CHSY1: variants seen among roughly 807,000 people sequenced by gnomAD.
CHSY1 encodes N-acetylgalactosaminyl-proteoglycan 3-beta-glucuronosyltransferase 1.
CHSY1 carries 13 observed loss-of-function variants against 59.8 expected under a neutral mutation model. The ratio of observed to expected loss-of-function variants is 0.22; its 90% CI spans 0.14 to 0.35. CHSY1 has a LOEUF of 0.35. CHSY1 is among the 10% of genes least tolerant of loss of function. CHSY1 has a pLI of 1.00. For missense variants in CHSY1, 947 were observed against 1,030.6 expected (o/e 0.92, Z 1.11); for synonymous variants, 459 against 401.2 (o/e 1.14, Z -1.72).
intron 2 of CHSY1, among the ~76,000 whole-genome samples, chr15:101,221,489 T>G (rs187595911): frequency 7.9e-5 from 12 of 152,314 alleles, no homozygotes; most frequent in African/African-American, 2.9e-4. Context: ...TCTCTCCCTC[T>G]CTCTATATAT....
At chr15:101,214,358 C>T (rs892973607) in intron 2 of CHSY1, among the ~76,000 whole-genome samples, 1 of 152,206 alleles carries the variant, frequency 6.6e-6, no homozygotes, top group African/African-American at 2.4e-5. Flanking sequence ...CATTTCACTA[C>T]AGTTTATATC....
chr15:101,251,689 G>C lies in CHSY1; in HGVS notation c.-233C>G, dbSNP rs561429266. ...CCGCCGCGGCCTGCGCCTTTAAGAG[G>C]GGACCATGCCCGGCGCGCGCTAGCG... On this transcript the variant is annotated 5_prime_UTR_variant, in exon 1 of 3. Transcript: ENST00000254190. 6.8e-6 allele frequency: 1 copy of C among 147,644 alleles called. No individual in the cohort carries two copies. Among genetic ancestry groups the C allele is most frequent in the Non-Finnish European group, 1.5e-5 (1 of 66,336 alleles). 9.1% of individuals were successfully genotyped at this position (147,644 alleles called of 1,614,324 possible). A position where few individuals can be genotyped will look rare whatever the true frequency, so the allele number is the denominator to read the frequency against.
At position 101,198,766 on chromosome 15, in the gene CHSY1, T is replaced by C. The variant is rs528025028; in HGVS notation, c.817-19786A>G. On this transcript the variant is annotated intron_variant, in intron 2 of 2. Transcript: ENST00000254190. Reference sequence around the variant, plus strand: ...ACTGGCCAAAATCCCCCATTAAAACTTCTACTGGGACACAGTTACACTCAC... The same window carrying C: ...ACTGGCCAAAATCCCCCATTAAAACCTCTACTGGGACACAGTTACACTCAC... Among the ~76,000 whole-genome samples the C allele has an allele frequency of 1.3e-4, 20 of 152,352 alleles. No individual in the cohort carries two copies. The South Asian group carries it at 1.4e-3, about 11-fold the overall frequency.
At chr15:101,231,476 C>T (rs2038892033) in intron 2 of CHSY1, among the ~76,000 whole-genome samples, 1 of 152,340 alleles carries the variant, frequency 6.6e-6, no homozygotes, top group African/African-American at 2.4e-5. Flanking sequence ...AAGCCCTTTG[C>T]ACTTCTGAAT....
intron 2 of CHSY1, among the ~76,000 whole-genome samples, chr15:101,193,561 C>T (rs1034699612): frequency 1.3e-5 from 2 of 152,230 alleles, no homozygotes; most frequent in African/African-American, 2.4e-5. Flanking sequence ...CCTCTCCAGC[C>T]GCAGTCACGC....
At chr15:101,179,534 G>C (rs1454753018) in intron 2 of CHSY1, among the ~76,000 whole-genome samples, 3 of 152,228 alleles carry the variant, frequency 2.0e-5, no homozygotes, top group Admixed American at 2.0e-4. Flanking sequence ...GATGCTGCAG[G>C]GATGAATCAA....
chr15:101,182,798 C>G (rs28403092), intron 2 of CHSY1, among the ~76,000 whole-genome samples: 3 of 152,244 alleles, frequency 2.0e-5, no homozygotes, highest in African/African-American at 7.2e-5. Context: ...TTAAAAGCCT[C>G]TGCTACACAG....
intron 2 of CHSY1, among the ~76,000 whole-genome samples, chr15:101,191,725 A>T (rs914644534): frequency 1.3e-5 from 2 of 152,136 alleles, no homozygotes; most frequent in African/African-American, 2.4e-5. Context: ...CTGTGAACCT[A>T]AAGCTCCTCC....
intron 2 of CHSY1, among the ~76,000 whole-genome samples, chr15:101,222,575 T>G (rs2038800657): frequency 6.6e-6 from 1 of 152,188 alleles, no homozygotes; most frequent in Non-Finnish European, 1.5e-5. Flanking sequence ...CACAGTACAT[T>G]TAGTAATCCC....
intron 2 of CHSY1, among the ~76,000 whole-genome samples, chr15:101,230,087 G>T (rs945788158): frequency 6.6e-6 from 1 of 151,512 alleles, no homozygotes; most frequent in African/African-American, 2.4e-5. Flanking sequence ...GACTACAGGC[G>T]CCCGCCACCA....
chr15:101,203,986 G>T (rs1046372550), intron 2 of CHSY1, among the ~76,000 whole-genome samples: 2 of 152,286 alleles, frequency 1.3e-5, no homozygotes, highest in African/African-American at 2.4e-5. Context: ...ACTAAACTCT[G>T]TAGATTACAT....
chr15:101,232,562 G>A (rs575716532), intron 2 of CHSY1, among the ~76,000 whole-genome samples: 3 of 152,172 alleles, frequency 2.0e-5, no homozygotes, highest in Non-Finnish European at 4.4e-5. Flanking sequence ...AAACATATTC[G>A]TGACCTAAGG....
Position 101,177,433 on chromosome 15 carries a change from A to C in CHSY1, c.2364T>G (p.Ser788Arg). 6.2e-7 allele frequency: 1 copy of C among 1,613,590 alleles called. No individual in the cohort carries two copies. The highest frequency in any genetic ancestry group is 8.5e-7 in the Non-Finnish European group (1 of 1,179,854). ...AEMWLEKNDP[S>R]YSKSSNNNGS... ...CATTATTATTGCTGCTTTTACTGTA[A>C]CTTGGATCATTTTTTTCCAGCCACA... The change falls in exon 3 of 3, where the codon AGT (serine) becomes AGG (arginine). Residue 788 changes from serine to arginine, a missense_variant. By Grantham distance (110) the Ser-to-Arg change is moderately radical. This residue lies in a region of CHSY1 where 602 missense variants were observed against 676.9 expected (regional missense o/e 0.89). Transcript: ENST00000254190.
intron 2 of CHSY1, among the ~76,000 whole-genome samples, chr15:101,208,636 C>T (rs1486670588): frequency 6.7e-6 from 1 of 150,356 alleles, no homozygotes; most frequent in Non-Finnish European, 1.5e-5. Flanking sequence ...TTGCTTGAAC[C>T]CAGGAGGCGG....
intron 1 of CHSY1, among the ~76,000 whole-genome samples, chr15:101,239,816 C>T (rs576150245): frequency 6.6e-6 from 1 of 151,838 alleles, no homozygotes; most frequent in Non-Finnish European, 1.5e-5. Context: ...GAGCATTTCG[C>T]GGTAGAGCAC....
At chr15:101,232,079 A>G (rs1567104921) in intron 2 of CHSY1, among the ~76,000 whole-genome samples, 1 of 152,166 alleles carries the variant, frequency 6.6e-6, no homozygotes, top group Non-Finnish European at 1.5e-5. Flanking sequence ...ATGAATCTAG[A>G]CTTTGATTTT....
chr15:101,181,040 T>C (rs1450589566), intron 2 of CHSY1, among the ~76,000 whole-genome samples: 1 of 152,230 alleles, frequency 6.6e-6, no homozygotes, highest in African/African-American at 2.4e-5. Context: ...GTTGGGGCAC[T>C]CGGAGGCACA....
intron 2 of CHSY1, among the ~76,000 whole-genome samples, chr15:101,218,711 G>C (rs948139736): frequency 6.6e-6 from 1 of 152,220 alleles, no homozygotes; most frequent in African/African-American, 2.4e-5. Flanking sequence ...GCTGCACTGA[G>C]CTACAGCCAT....
intron 2 of CHSY1, among the ~76,000 whole-genome samples, chr15:101,221,472 G>A (rs1035644532): frequency 5.3e-5 from 8 of 152,002 alleles, no homozygotes; most frequent in African/African-American, 1.9e-4. Context: ...GGTTGAGAGT[G>A]TCTCTCTCTC....
Sources: allele counts gnomAD v4.1 joint callset (sites outside exome capture counted in the v4.1 genomes callset), GRCh38; gene constraint gnomAD v4.1.1; regional missense constraint gnomAD v4.1.1; transcripts MANE v1.5; gene names NCBI Gene and HGNC (gene_info 2026-07-23, HGNC 2026-07-21).